The following SLC35F4 variants were observed in gnomAD, a reference collection of about 807,000 sequenced individuals.
SLC35F4 encodes solute carrier family 35 member F4, also known as chromosome 14 open reading frame 36.
SLC35F4 carries 24 observed loss-of-function variants against 44.2 expected under a neutral mutation model. The observed-to-expected ratio is 0.54, with a 90% confidence interval of 0.39 to 0.76. The LOEUF is 0.76. Among genes scored for constraint, SLC35F4 ranks in the 30% least tolerant of loss-of-function variants. SLC35F4 has a pLI of 0.00. For synonymous variants in SLC35F4, 238 were observed against 223.6 expected (o/e 1.06, Z -0.57); for missense variants, 562 against 586.1 (o/e 0.96, Z 0.42).
chr14:57,856,123 C>T (rs1374442386), intron 1 of SLC35F4, among the ~76,000 whole-genome samples: 4 of 151,912 alleles, frequency 2.6e-5, no homozygotes. Context: ...TCTCCTGTCT[C>T]TACCTCCCGA....
intron 1 of SLC35F4, among the ~76,000 whole-genome samples, chr14:57,706,985 G>A (rs1005036707): frequency 6.6e-6 from 1 of 152,208 alleles, no homozygotes; most frequent in Admixed American, 6.5e-5. Context: ...GAATGGATGT[G>A]AGAAGACTGG....
chr14:57,741,226 C>A (rs7152603), intron 1 of SLC35F4, among the ~76,000 whole-genome samples: 1 of 152,066 alleles, frequency 6.6e-6, no homozygotes, highest in Non-Finnish European at 1.5e-5. Context: ...CAAAGCTGGA[C>A]GGAGAATGAC....
At chr14:57,785,325 T>G (rs1294692182) in intron 1 of SLC35F4, among the ~76,000 whole-genome samples, 2 of 152,206 alleles carry the variant, frequency 1.3e-5, no homozygotes, top group South Asian at 2.1e-4. Context: ...TCCTTGATGA[T>G]AGATAATCGA....
intron 1 of SLC35F4, among the ~76,000 whole-genome samples, chr14:57,754,646 C>G (rs1396356374): frequency 6.6e-6 from 1 of 152,208 alleles, no homozygotes; most frequent in African/African-American, 2.4e-5. Context: ...AGAAAAGGGC[C>G]TTGCCTTTCA....
chr14:57,932,307 T>C (rs1411479032), intron 1 of SLC35F4, among the ~76,000 whole-genome samples: 2 of 152,214 alleles, frequency 1.3e-5, no homozygotes, highest in African/African-American at 4.8e-5. Flanking sequence ...AATATTGTAA[T>C]TTCTGGATAA....
intron 1 of SLC35F4, among the ~76,000 whole-genome samples, chr14:57,774,343 G>T (rs1334628496): frequency 6.6e-6 from 1 of 152,182 alleles, no homozygotes; most frequent in Non-Finnish European, 1.5e-5. Flanking sequence ...GAATGCCCAT[G>T]CAGGAGACCT....
At chr14:57,616,731 C>T (rs1323168437) in intron 1 of SLC35F4, among the ~76,000 whole-genome samples, 1 of 152,056 alleles carries the variant, frequency 6.6e-6, no homozygotes, top group Non-Finnish European at 1.5e-5. Flanking sequence ...AGCATCCTTG[C>T]TTCCCTGCCT....
At chr14:57,974,695 G>A (rs957659323), downstream of SLC35F4, among the ~76,000 whole-genome samples, 3 of 152,176 alleles carry the variant, frequency 2.0e-5, no homozygotes, top group African/African-American at 7.2e-5. Flanking sequence ...TCATTTCACT[G>A]ATGGTGATAC....
At chr14:57,797,126 A>G (rs1175647372) in intron 1 of SLC35F4, among the ~76,000 whole-genome samples, 2 of 152,136 alleles carry the variant, frequency 1.3e-5, no homozygotes, top group Non-Finnish European at 2.9e-5. Flanking sequence ...GATTCATAAA[A>G]CCATTTTTAA....
intron 1 of SLC35F4, among the ~76,000 whole-genome samples, chr14:57,884,817 T>C (rs1173628004): frequency 6.6e-6 from 1 of 152,178 alleles, no homozygotes; most frequent in Non-Finnish European, 1.5e-5. Flanking sequence ...CCTATGCCAT[T>C]GACTCCCCAG....
chr14:57,703,970 C>T (rs1023555625), intron 1 of SLC35F4, among the ~76,000 whole-genome samples: 1 of 152,164 alleles, frequency 6.6e-6, no homozygotes, highest in Admixed American at 6.5e-5. Flanking sequence ...TCCAAAGACC[C>T]TTAGAATTCC....
chr14:57,622,697 A>G (rs1355129092), intron 1 of SLC35F4, among the ~76,000 whole-genome samples: 2 of 152,140 alleles, frequency 1.3e-5, no homozygotes, highest in African/African-American at 4.8e-5. Flanking sequence ...GAGGGATAGC[A>G]TTGGGAGATA....
rs141761757 is a variant in SLC35F4, at chr14:57,946,344, G to T, written n.282+35569C>A. On this transcript the variant is annotated intron_variant and non_coding_transcript_variant, in intron 1 of 1. Transcript: ENST00000556568. ...GATCCAGTTTCATTCTTCTACATGTGGCTGGCCAATTATCCCAGCACTTTT... is the reference window on the plus strand; with the variant it reads ...GATCCAGTTTCATTCTTCTACATGTTGCTGGCCAATTATCCCAGCACTTTT... 3.6e-3 allele frequency among the ~76,000 whole-genome samples: 541 copies of T among 151,990 alleles called. 3 individuals carry two copies. The highest frequency in any genetic ancestry group is 0.012 in the African/African-American group (512 of 41,466).
chr14:57,673,812 T>C lies in SLC35F4; in HGVS notation c.104-79688A>G, dbSNP rs1166938468. Among the ~76,000 whole-genome samples, 3 of 152,056 alleles carry C rather than the reference T, an allele frequency of 2.0e-5. 1 individual carries two copies. Among genetic ancestry groups the C allele is most frequent in the African/African-American group, 7.3e-5 (3 of 41,364 alleles). ...ACAATAACCATAAACAAAAAATTGA[T>C]AATTAGATTTCACCAAAATTAAGAA... On this transcript the variant is annotated intron_variant, in intron 1 of 7. Transcript: ENST00000556826.
intron 1 of SLC35F4, among the ~76,000 whole-genome samples, chr14:57,736,465 C>T (rs775916481): frequency 6.6e-6 from 1 of 152,178 alleles, no homozygotes. Context: ...CTGTGGAAAA[C>T]TTAACTGGGA....
chr14:57,648,710 ATT>A (rs542419789), intron 1 of SLC35F4, among the ~76,000 whole-genome samples: 89 of 152,312 alleles, frequency 5.8e-4, no homozygotes, highest in African/African-American at 2.0e-3. Flanking sequence ...TACAAAGCGT[ATT>A]TGTTTCTTTC....
chr14:57,755,722 T>G (rs1224224777), intron 1 of SLC35F4, among the ~76,000 whole-genome samples: 1 of 121,668 alleles, frequency 8.2e-6, no homozygotes, highest in Non-Finnish European at 1.8e-5. Context: ...GCTTCATAGT[T>G]TACTGCAGTT....
At chr14:57,694,837 G>C (rs1186879759) in intron 1 of SLC35F4, among the ~76,000 whole-genome samples, 7 of 151,958 alleles carry the variant, frequency 4.6e-5, no homozygotes, top group Admixed American at 4.6e-4. Flanking sequence ...TCTGTTTATT[G>C]CTGATTTAGA....
intron 1 of SLC35F4, among the ~76,000 whole-genome samples, chr14:57,712,147 G>A (rs978447502): frequency 4.6e-5 from 7 of 152,196 alleles, no homozygotes; most frequent in African/African-American, 1.7e-4. Context: ...AGGACAATAA[G>A]GTATATTAGC....
Sources: gnomAD v4.1 joint callset for allele counts (sites outside exome capture counted in the v4.1 genomes callset) on GRCh38, gnomAD v4.1.1 for gene constraint, MANE v1.5 for transcripts, NCBI Gene and HGNC (gene_info 2026-07-23, HGNC 2026-07-21) for gene names.